UBR4: variants seen among roughly 807,000 people sequenced by gnomAD.
UBR4 encodes the protein ubiquitin protein ligase E3 component n-recognin 4.
In UBR4, 124 loss-of-function variants were observed where a neutral mutation model predicts 575.6. The observed-to-expected ratio is 0.22, with a 90% CI of 0.19 to 0.25. The LOEUF (loss-of-function observed/expected upper bound fraction) is 0.25, where lower values mean the gene tolerates loss of function less well. Among genes scored for constraint, UBR4 ranks in the 10% least tolerant of loss-of-function variants. The probability of loss-of-function intolerance (pLI) is 1.00; values close to 1 mark genes in which losing one functional copy is unlikely to be tolerated. For missense variants in UBR4, 4,818 were observed against 6,478.8 expected, an observed-to-expected ratio of 0.74 and a Z score of 8.80; for synonymous variants, 2,455 against 2,473.7, an observed-to-expected ratio of 0.99 and a Z score of 0.22.
chr1:19,104,142 G>A lies in UBR4; in HGVS notation c.12843C>T (p.Thr4281=). 1 of 1,614,196 alleles carries A rather than the reference G, an allele frequency of 6.2e-7. No individual in the cohort carries two copies. The highest frequency in any genetic ancestry group is 8.5e-7 in the Non-Finnish European group (1 of 1,180,050). ...TGTCCTGCGTCTCATCGATCAGCTT[G>A]GTCCTCTGCACCACCAGCTTCCGCA... ...LCLRKLVVQR[T]KLIDETQDML... The change falls in exon 87 of 106, where the codon ACC becomes ACT. Residue 4281 remains threonine, a synonymous_variant. Coordinates refer to ENST00000375254, the MANE Select transcript of UBR4 (RefSeq NM_020765.3).
intron 34 of UBR4, among the ~76,000 whole-genome samples, chr1:19,163,514 CTA>C (rs1412493661): frequency 2.0e-5 from 3 of 152,216 alleles, no homozygotes; most frequent in South Asian, 4.1e-4. Flanking sequence ...GGCAGGAACT[CTA>C]TGTTTTAAGA....
In UBR4 at chr1:19,144,027, C is replaced by T. The variant is rs368503949; in HGVS notation, c.8132G>A (p.Arg2711Gln). 1.1e-5 allele frequency: 17 copies of T among 1,613,952 alleles called. No individual in the cohort carries two copies. The highest frequency in any genetic ancestry group is 5.3e-5 in the African/African-American group (4 of 74,908). The change falls in exon 55 of 106, where the codon CGG becomes CAG. Residue 2711 changes from arginine (R) to glutamine (Q), a missense_variant. By Grantham distance (43) the Arg-to-Gln change is conservative (BLOSUM62 1). Coordinates refer to ENST00000375254, the MANE Select transcript of UBR4 (RefSeq NM_020765.3). ...GGAAGAGGGTAAAGTCACATGTCTCCGTTTGTTCCTGGGCCTTAGGACTCG... is the reference window on the plus strand; with the variant it reads ...GGAAGAGGGTAAAGTCACATGTCTCTGTTTGTTCCTGGGCCTTAGGACTCG... ...LIRVLRPRNK[R>Q]RHVTLPSSPR...
At chr1:19,132,626 G>GAAAAAAAAAAAAAAAAAAAAAAAAAAAA (rs2082668175) in intron 60 of UBR4, among the ~76,000 whole-genome samples, 1 of 29,988 alleles carries the variant, frequency 3.3e-5, no homozygotes, top group Non-Finnish European at 6.5e-5. Context: ...AAAAAAAAAA[G>GAAAAAAAAAAAAAAAAAAAAAAAAAAAA]TAAGTAAAAG....
chr1:19,118,652 T>C (rs2080855599), intron 71 of UBR4: 2 of 573,646 alleles, frequency 3.5e-6, no homozygotes, highest in South Asian at 2.3e-5. Context: ...CAGACCTTTC[T>C]ACATTACTAC....
intron 35 of UBR4, 105 bp downstream of exon 35, chr1:19,162,315 A>C: frequency 7.3e-7 from 1 of 1,374,062 alleles, no homozygotes; most frequent in Non-Finnish European, 9.9e-7. Context: ...AAGGACTAGG[A>C]AGTTTTGAAG....
intron 103 of UBR4, chr1:19,078,581 TG>T (rs1287672475): frequency 2.5e-5 from 4 of 156,898 alleles, no homozygotes; most frequent in African/African-American, 9.6e-5. Context: ...CTGTGTTAAA[TG>T]GCAGCAAGCT....
At chr1:19,148,365 A>G (rs1035710456) in intron 50 of UBR4, among the ~76,000 whole-genome samples, 198 bp downstream of exon 50, 1 of 152,144 alleles carries the variant, frequency 6.6e-6, no homozygotes, top group South Asian at 2.1e-4. Context: ...CACGCATCCT[A>G]TTCTGTGACA....
At chr1:19,161,219 G>T in intron 37 of UBR4, 72 bp from the exon 38 acceptor site, 1 of 1,436,746 alleles carries the variant, frequency 7.0e-7, no homozygotes, top group Non-Finnish European at 9.6e-7. Flanking sequence ...TGAGATCTCC[G>T]AGGAAAATTT....
chr1:19,077,218 C>T (rs2076030081), intron 104 of UBR4, among the ~76,000 whole-genome samples: 1 of 152,214 alleles, frequency 6.6e-6, no homozygotes, highest in South Asian at 2.1e-4. Context: ...CTTCCATGAG[C>T]TGTCTCATTC....
At position 19,086,770 on chromosome 1, in the gene UBR4, C is replaced by T. The variant is rs757260963; in HGVS notation, c.14596G>A (p.Glu4866Lys). ...YTFTKRVALE[E>K]MENKPRKQQG... ...TGTTTCCGGGGCTTATTCTCCATCT[C>T]CTCCAAGGCTACCCGCTTCGTGAAG... Residue 4866 changes from glutamate to lysine, a missense_variant, in exon 100 of 106, where the codon GAG becomes AAG. Physicochemically the swap from Glu to Lys is moderately conservative, Grantham distance 56 (BLOSUM62 1). Around this residue, in one of 29 missense-constraint regions of UBR4, gnomAD observed 196 missense variants for 386.8 expected, o/e 0.51. Coordinates refer to ENST00000375254, the MANE Select transcript of UBR4 (RefSeq NM_020765.3). 1 of 1,614,214 alleles carries T rather than the reference C, an allele frequency of 6.2e-7. No individual in the cohort carries two copies. The highest frequency in any genetic ancestry group is 1.3e-5 in the African/African-American group (1 of 75,050).
chr1:19,195,843 C>G (rs79184183), intron 8 of UBR4, among the ~76,000 whole-genome samples: 2,995 of 152,194 alleles, frequency 0.02, 43 homozygotes, highest in South Asian at 0.056. Context: ...AGCTCAGAAT[C>G]TTTAATGGTC....
intron 75 of UBR4, 90 bp downstream of exon 75, chr1:19,114,721 C>A (rs2080293091): frequency 1.3e-6 from 2 of 1,521,886 alleles, no homozygotes; most frequent in African/African-American, 1.4e-5. Context: ...AAGGCTTAGG[C>A]TAGAAAGTAA....
chr1:19,117,936 G>C lies in UBR4; in HGVS notation c.10542-26C>G, dbSNP rs962069846. On this transcript the variant is annotated intron_variant, in intron 71 of 105. Transcript: ENST00000375254. This position sits in a 1 kb window ranked among gnomAD's most constrained non-coding sequence, Gnocchi z 4.0. Reference sequence around the variant, plus strand: ...CTAAGGAAGAAACCAGTCTTAGCATGAACACATTTTCATCTTAGGAAGCAC... The same window carrying C: ...CTAAGGAAGAAACCAGTCTTAGCATCAACACATTTTCATCTTAGGAAGCAC... 7 of 1,599,118 alleles carry C rather than the reference G, an allele frequency of 4.4e-6. No individual in the cohort carries two copies. The African/African-American group carries it at 8.0e-5, about 18-fold the overall frequency.
Position 19,120,218 on chromosome 1 carries a change from C to T in UBR4, c.10272G>A (p.Val3424=). ...CFLLESNSSS[V]RWQAHCLTLH... is the part of the protein sequence containing the mutation. Reference sequence around the variant, plus strand: ...GTGTCAGACAGTGGGCCTGCCAGCGCACCGAGGAAGAATTGGACTCTAACA... The same window carrying T: ...GTGTCAGACAGTGGGCCTGCCAGCGTACCGAGGAAGAATTGGACTCTAACA... Residue 3424 remains valine, a synonymous_variant, in exon 69 of 106, where the codon GTG becomes GTA. Coordinates refer to ENST00000375254, the MANE Select transcript of UBR4 (RefSeq NM_020765.3). 6.2e-7 allele frequency: 1 copy of T among 1,614,200 alleles called. No homozygotes were observed. Among genetic ancestry groups the T allele is most frequent in the Non-Finnish European group, 8.5e-7 (1 of 1,180,030 alleles).
Position 19,114,927 on chromosome 1 carries a change from C to T in UBR4, c.11086G>A (p.Asp3696Asn). The change falls in exon 75 of 106, where the codon GAT (aspartate) becomes AAT (asparagine). Residue 3696 changes from aspartate (D) to asparagine (N), a missense_variant. By Grantham distance (23) the Asp-to-Asn change is conservative. This residue lies in a region of UBR4 where 10 missense variants were observed against 65.4 expected (regional missense o/e 0.15). Transcript: ENST00000375254. The stretch of plus-strand genomic sequence containing the variant: ...CCACAGGCATTGCAGAGGAAGGGAT[C>T]CTTTTCATCGTAGTTGATGGATCTG... ...KCRSINYDEK[D>N]PFLCNACGFC... The T allele has an allele frequency of 6.2e-7, 1 of 1,614,168 alleles. No homozygotes were observed. Among genetic ancestry groups the T allele is most frequent in the South Asian group, 1.1e-5 (1 of 91,082 alleles).
chr1:19,076,677 C>T (rs1416376633), intron 105 of UBR4, 63 bp downstream of exon 105: 2 of 1,607,966 alleles, frequency 1.2e-6, no homozygotes, highest in Non-Finnish European at 8.5e-7. Flanking sequence ...ACGGATGACC[C>T]ACGGAGGAAG....
intron 2 of UBR4, among the ~76,000 whole-genome samples, chr1:19,201,398 C>A (rs1364056976): frequency 5.3e-5 from 8 of 152,048 alleles, no homozygotes; most frequent in Non-Finnish European, 1.5e-5. Flanking sequence ...CACCGCCTTC[C>A]CCCCAGGGAA....
chr1:19,075,342 A>C, intron 105 of UBR4: 1 of 211,844 alleles, frequency 4.7e-6, no homozygotes, highest in Non-Finnish European at 9.6e-6. Flanking sequence ...TCCTCTGCCC[A>C]CCTCCTCCTC....
At chr1:19,082,953 G>A (rs7514830) in intron 102 of UBR4, among the ~76,000 whole-genome samples, 4 of 152,304 alleles carry the variant, frequency 2.6e-5, no homozygotes, top group East Asian at 1.9e-4. Context: ...GATAGCTGTC[G>A]ACTGGGAAGC....
Sources: gnomAD v4.1 joint callset for allele counts (sites outside exome capture counted in the v4.1 genomes callset) on GRCh38, gnomAD v4.1.1 for gene constraint, gnomAD v4.1.1 regional missense constraint, Gnocchi (gnomAD v3.1) non-coding constraint, MANE v1.5 for transcripts, NCBI Gene and HGNC (gene_info 2026-07-23, HGNC 2026-07-21) for gene names.